ATR: variants seen among roughly 807,000 people sequenced by gnomAD.
The protein encoded by ATR is serine/threonine-protein kinase ATR.
ATR carries 142 observed loss-of-function variants against 305.3 expected under a neutral mutation model. The observed-to-expected ratio is 0.47, with a 90% CI of 0.41 to 0.53. The LOEUF (loss-of-function observed/expected upper bound fraction) is 0.53, where lower values mean the gene tolerates loss of function less well. Among genes scored for constraint, ATR ranks in the 20% least tolerant of loss-of-function variants. ATR has a pLI of 0.00. For synonymous variants in ATR, 1,050 were observed against 1,068.1 expected (o/e 0.98, Z 0.33); for missense variants, 2,135 against 3,133.1 (o/e 0.68, Z 7.60).
chr3:142,465,991 C>T (rs1056288316), intron 40 of ATR, among the ~76,000 whole-genome samples: 1 of 121,330 alleles, frequency 8.2e-6, no homozygotes, highest in Non-Finnish European at 1.7e-5. Flanking sequence ...ACCCGGGCAA[C>T]AGAATGAGAC....
At position 142,553,254 on chromosome 3, in the gene ATR, G is replaced by A; in HGVS notation, c.2778C>T (p.Phe926=). ...AAKSVKLQSF[F]SQYKKPICQF... ...GACAGATGGGTTTCTTATACTGGCTGAAAAAACTTTGCAGTTTAACACTTT... is the reference window on the plus strand; with the variant it reads ...GACAGATGGGTTTCTTATACTGGCTAAAAAAACTTTGCAGTTTAACACTTT... The change falls in exon 13 of 47, where the codon TTC becomes TTT. Residue 926 remains phenylalanine (F), a synonymous_variant. Transcript: ENST00000350721. 1 of 1,614,096 alleles carries A rather than the reference G, an allele frequency of 6.2e-7. No homozygotes were observed. Among genetic ancestry groups the A allele is most frequent in the Non-Finnish European group, 8.5e-7 (1 of 1,180,002 alleles).
At chr3:142,565,733 T>TTA (rs774196690) in intron 3 of ATR, among the ~76,000 whole-genome samples, 4 of 79,324 alleles carry the variant, frequency 5.0e-5, no homozygotes, top group African/African-American at 1.0e-4. Flanking sequence ...CTGTCTTATT[T>TTA]AAAAAAAAAA....
At chr3:142,527,106 G>A (rs1266471931) in intron 21 of ATR, among the ~76,000 whole-genome samples, 4 of 152,154 alleles carry the variant, frequency 2.6e-5, no homozygotes, top group Non-Finnish European at 5.9e-5. Context: ...TTTTCTTAAT[G>A]TGAAATTGAT....
chr3:142,456,239 G>T (rs1434939934), intron 45 of ATR, among the ~76,000 whole-genome samples: 1 of 151,890 alleles, frequency 6.6e-6, no homozygotes, highest in Non-Finnish European at 1.5e-5. Context: ...TCCAGCCTGG[G>T]CGACTCTGTC....
chr3:142,509,750 G>A (rs1188664964), intron 27 of ATR, among the ~76,000 whole-genome samples: 1 of 150,270 alleles, frequency 6.7e-6, no homozygotes, highest in East Asian at 1.9e-4. Flanking sequence ...TAGAGATGGG[G>A]GTCTCTACAA....
intron 3 of ATR, among the ~76,000 whole-genome samples, chr3:142,564,203 T>C (rs546581255): frequency 6.6e-6 from 1 of 152,360 alleles, no homozygotes; most frequent in Non-Finnish European, 1.5e-5. Context: ...AACTTTTATA[T>C]GCACTGGGAA....
At chr3:142,500,895 A>G (rs1298979839) in intron 30 of ATR, among the ~76,000 whole-genome samples, 1 of 152,196 alleles carries the variant, frequency 6.6e-6, no homozygotes, top group Non-Finnish European at 1.5e-5. Flanking sequence ...CAACTGTGGG[A>G]TAACAGATTA....
At chr3:142,473,491 TTATAGCTTTGTGG>T (rs1297210097) in intron 36 of ATR, among the ~76,000 whole-genome samples, 1 of 152,192 alleles carries the variant, frequency 6.6e-6, no homozygotes, top group Non-Finnish European at 1.5e-5. Context: ...GTTTTGATTA[TTATAGCTTTGTGG>T]TATAATTTTG....
intron 15 of ATR, 100 bp downstream of exon 15, chr3:142,549,379 A>G: frequency 6.6e-6 from 5 of 754,612 alleles, no homozygotes; most frequent in Non-Finnish European, 1.0e-5. Context: ...CTTCTAGGAT[A>G]GGCTATAATT....
At chr3:142,491,378 A>T (rs1464063248) in intron 35 of ATR, among the ~76,000 whole-genome samples, 3 of 152,222 alleles carry the variant, frequency 2.0e-5, no homozygotes, top group Non-Finnish European at 4.4e-5. Flanking sequence ...TTAGGGGTGT[A>T]TGCAGAAGAA....
In ATR at chr3:142,556,050, T is replaced by C. The variant is rs2034660027; in HGVS notation, c.2168A>G (p.Tyr723Cys). The change falls in exon 10 of 47, where the codon TAT (tyrosine) becomes TGT (cysteine). Residue 723 changes from tyrosine to cysteine, a missense_variant. Physicochemically the swap from Tyr to Cys is radical, Grantham distance 194. Coordinates refer to ENST00000350721, the MANE Select transcript of ATR (RefSeq NM_001184.4). ...QLVCTLHGMF[Y>C]LTSSLTEPFS... Reference sequence around the variant, plus strand: ...AGGTTCTGTTAAAGAACTTGTCAGATAAAACATGCCGTGAAGAGTACAGAC... The same window carrying C: ...AGGTTCTGTTAAAGAACTTGTCAGACAAAACATGCCGTGAAGAGTACAGAC... 3 of 1,614,088 alleles carry C rather than the reference T, an allele frequency of 1.9e-6. No individual in the cohort carries two copies. The highest frequency in any genetic ancestry group is 2.5e-6 in the Non-Finnish European group (3 of 1,179,980).
chr3:142,510,115 GAAAAAA>G (rs397760180), intron 27 of ATR, among the ~76,000 whole-genome samples: 9 of 95,302 alleles, frequency 9.4e-5, no homozygotes, highest in Admixed American at 2.6e-4. Context: ...GACTGTCTCA[GAAAAAA>G]AAAAAAAAAA....
intron 38 of ATR, among the ~76,000 whole-genome samples, chr3:142,468,717 C>T (rs546276509): frequency 6.6e-6 from 1 of 152,160 alleles, no homozygotes; most frequent in African/African-American, 2.4e-5. Context: ...TGGCGGGGCA[C>T]GATAGCTCAT....
chr3:142,522,603 T>G (rs988910380), intron 23 of ATR, 125 bp downstream of exon 23: 28 of 849,874 alleles, frequency 3.3e-5, no homozygotes, highest in Non-Finnish European at 4.5e-5. Flanking sequence ...ATGTTTATCA[T>G]GAACTTGTAT....
intron 36 of ATR, 119 bp from the exon 37 acceptor site, chr3:142,470,302 T>C (rs1359286372): frequency 1.2e-6 from 1 of 865,648 alleles, no homozygotes; most frequent in Non-Finnish European, 1.8e-6. Context: ...GGTATCAATA[T>C]TTCTTCCTAG....
intron 3 of ATR, 77 bp downstream of exon 3, chr3:142,566,044 G>GT: frequency 6.3e-7 from 1 of 1,584,088 alleles, no homozygotes; most frequent in South Asian, 1.1e-5. Flanking sequence ...TCCTGTACAT[G>GT]TAATATTTCA....
At chr3:142,470,913 G>T (rs1490963338) in intron 36 of ATR, among the ~76,000 whole-genome samples, 1 of 152,072 alleles carries the variant, frequency 6.6e-6, no homozygotes, top group Non-Finnish European at 1.5e-5. Flanking sequence ...ATTTTCAAAA[G>T]AAATTTTATT....
At chr3:142,519,493 C>T (rs1204718734) in intron 24 of ATR, among the ~76,000 whole-genome samples, 176 bp downstream of exon 24, 2 of 151,850 alleles carry the variant, frequency 1.3e-5, no homozygotes, top group South Asian at 2.1e-4. Context: ...GTAGAGATGG[C>T]GTTTCACCAT....
At chr3:142,471,647 T>C (rs1427644737) in intron 36 of ATR, among the ~76,000 whole-genome samples, 1 of 152,194 alleles carries the variant, frequency 6.6e-6, no homozygotes, top group East Asian at 1.9e-4. Flanking sequence ...AAATTGTGTA[T>C]ATTTATTGTG....
Sources: allele counts gnomAD v4.1 joint callset (sites outside exome capture counted in the v4.1 genomes callset), GRCh38; gene constraint gnomAD v4.1.1; transcripts MANE v1.5; gene names NCBI Gene and HGNC (gene_info 2026-07-23, HGNC 2026-07-21).